The following METAP2 variants were observed in gnomAD, a reference collection of about 807,000 sequenced individuals.
METAP2 encodes methionyl aminopeptidase 2, also known as methionine aminopeptidase 2.
In METAP2, 25 loss-of-function variants were observed where a neutral mutation model predicts 59.4. That is an observed-to-expected ratio of 0.42 (90% CI 0.31 to 0.59). The LOEUF is 0.59. Among genes scored for constraint, METAP2 ranks in the 20% least tolerant of loss-of-function variants. The pLI is 0.16. For synonymous variants in METAP2, 214 were observed against 194.1 expected (o/e 1.10, Z -0.85); for missense variants, 366 against 581.2 (o/e 0.63, Z 3.81).
At chr12:95,504,229 G>T in intron 8 of METAP2, 68 bp downstream of exon 8, 1 of 1,014,358 alleles carries the variant, frequency 9.9e-7, no homozygotes, top group East Asian at 2.5e-5. Context: ...TGTTTTCTTT[G>T]GGTCAGCTGC....
chr12:95,496,464 C>T (rs2076276089), intron 7 of METAP2, among the ~76,000 whole-genome samples: 1 of 152,088 alleles, frequency 6.6e-6, no homozygotes, highest in Non-Finnish European at 1.5e-5. Flanking sequence ...CCACCCCTCC[C>T]CAATTTCCTC....
At chr12:95,487,666 T>C (rs528512648) in intron 4 of METAP2, among the ~76,000 whole-genome samples, 1 of 151,794 alleles carries the variant, frequency 6.6e-6, no homozygotes, top group Admixed American at 6.6e-5. Context: ...GCAGGTAGCC[T>C]TCCATATTTT....
At chr12:95,491,804 G>C (rs1375744665) in intron 4 of METAP2, among the ~76,000 whole-genome samples, 1 of 150,476 alleles carries the variant, frequency 6.6e-6, no homozygotes, top group Non-Finnish European at 1.5e-5. Flanking sequence ...GAGCGACCAT[G>C]CCTGGTCATT....
At chr12:95,513,108 C>CACAT (rs1197052018) in intron 10 of METAP2, among the ~76,000 whole-genome samples, 192 bp downstream of exon 10, 1 of 151,476 alleles carries the variant, frequency 6.6e-6, no homozygotes, top group Non-Finnish European at 1.5e-5. Flanking sequence ...CACACACACA[C>CACAT]ACACACACAC....
At chr12:95,484,506 A>G (rs1005513394) in intron 3 of METAP2, among the ~76,000 whole-genome samples, 1 of 151,844 alleles carries the variant, frequency 6.6e-6, no homozygotes, top group Non-Finnish European at 1.5e-5. Flanking sequence ...AAAAAAAAAA[A>G]GATAACTATT....
chr12:95,483,475 CAAAAAAAAAAA>C lies in METAP2; in HGVS notation c.325+208_325+218del, dbSNP rs141083015. The stretch of plus-strand genomic sequence containing the variant: ...TGGGCAACAGAGTGAGACTCTGTCT[CAAAAAAAAAAA>C]AAAAAAAAAAAAGAAGTGGTTATTC... On this transcript the variant is annotated intron_variant, in intron 3 of 10. Transcript: ENST00000323666. The C allele has an allele frequency of 8.5e-5, 5 of 58,872 alleles. 1 individual carries two copies. The highest frequency in any genetic ancestry group is 1.1e-3 in the South Asian group (2 of 1,892). The allele number at this position is 58,872 out of a possible 1,614,324, so 3.6% of individuals were successfully genotyped here.
chr12:95,478,278 C>A (rs1052397227), intron 2 of METAP2, among the ~76,000 whole-genome samples: 1 of 152,194 alleles, frequency 6.6e-6, no homozygotes, highest in African/African-American at 2.4e-5. Context: ...GTCAATACTA[C>A]TTACCTGTTG....
In METAP2 at chr12:95,513,805, A is replaced by G. The variant is rs1475720659; in HGVS notation, c.1338A>G (p.Pro446=). ...CDLGIVDPYP[P]LCDIKGSYTA... is the part of the protein sequence containing the mutation. ...TGGGCATTGTAGATCCATATCCACC[A>G]TTATGTGACATTAAAGGATCATATA... The change falls in exon 11 of 11, where the codon CCA becomes CCG. Residue 446 remains proline (P), a synonymous_variant. Transcript: ENST00000323666. 15 of 1,614,234 alleles carry G rather than the reference A, an allele frequency of 9.3e-6. No homozygotes were observed. The highest frequency in any genetic ancestry group is 1.3e-5 in the Non-Finnish European group (15 of 1,180,046).
At chr12:95,513,145 C>T (rs1247462480) in intron 10 of METAP2, among the ~76,000 whole-genome samples, 1 of 141,106 alleles carries the variant, frequency 7.1e-6, no homozygotes, top group Non-Finnish European at 1.5e-5. Flanking sequence ...GTGCTCTCTT[C>T]AAGTCCGGTT....
At chr12:95,495,226 C>G in intron 6 of METAP2, 88 bp downstream of exon 6, 1 of 1,158,304 alleles carries the variant, frequency 8.6e-7, no homozygotes, top group Non-Finnish European at 1.2e-6. Context: ...ATACTGAACT[C>G]CCAAATTTTG....
chr12:95,513,393 A>AACAC (rs144087570), intron 10 of METAP2, among the ~76,000 whole-genome samples: 2 of 151,864 alleles, frequency 1.3e-5, no homozygotes, highest in African/African-American at 4.8e-5. Flanking sequence ...TGGGGAATAT[A>AACAC]ACACACACAC....
chr12:95,485,071 A>T (rs1439423474), intron 3 of METAP2, among the ~76,000 whole-genome samples: 1 of 152,220 alleles, frequency 6.6e-6, no homozygotes, highest in Non-Finnish European at 1.5e-5. Flanking sequence ...TGATAACCAT[A>T]GTACAGATTA....
chr12:95,482,216 C>T (rs1402198938), intron 2 of METAP2: 1 of 446,198 alleles, frequency 2.2e-6, no homozygotes, highest in Non-Finnish European at 4.5e-6. Flanking sequence ...CTCAGGTGAT[C>T]CTCCCACATC....
Position 95,474,314 on chromosome 12 carries a change from C to G in METAP2, c.135C>G (p.Ser45Arg). Residue 45 changes from serine to arginine, a missense_variant, in exon 1 of 11, where the codon AGC becomes AGG. Around this residue, in one of 4 missense-constraint regions of METAP2, gnomAD observed 177 missense variants for 180.3 expected, o/e 0.98. Coordinates refer to ENST00000323666, the MANE Select transcript of METAP2 (RefSeq NM_006838.4). ...AKKKRRKKKK[S>R]KGPSAAGEQE... ...AAAAAAGACGAAAGAAGAAGAAGAG[C>G]AAAGGGCCTTCTGCAGGTAAAGAGA... 6.2e-7 allele frequency: 1 copy of G among 1,614,082 alleles called. No individual in the cohort carries two copies. The highest frequency in any genetic ancestry group is 8.5e-7 in the Non-Finnish European group (1 of 1,180,000).
intron 1 of METAP2, among the ~76,000 whole-genome samples, chr12:95,474,680 T>G (rs942896103): frequency 1.1e-4 from 17 of 152,190 alleles, no homozygotes; most frequent in African/African-American, 4.1e-4. Flanking sequence ...TTCGCGCGAT[T>G]TGGCCGCCGC....
chr12:95,488,932 C>G (rs995450579), intron 4 of METAP2, among the ~76,000 whole-genome samples: 1 of 152,038 alleles, frequency 6.6e-6, no homozygotes. Flanking sequence ...ATCAGAATTG[C>G]ATTTATATTT....
At position 95,474,153 on chromosome 12, in the gene METAP2, T is replaced by A. The variant is rs752489709; in HGVS notation, c.-27T>A. ...GGATCGGGGCCCTCGCCGCTCTGTC[T>A]CATTCCCTCGCGCTCTCTCGGGCAA... On this transcript the variant is annotated 5_prime_UTR_variant, in exon 1 of 11. Transcript: ENST00000323666. The A allele has an allele frequency of 6.2e-7, 1 of 1,611,898 alleles. No individual in the cohort carries two copies. The highest frequency in any genetic ancestry group is 1.1e-5 in the South Asian group (1 of 90,908).
intron 8 of METAP2, among the ~76,000 whole-genome samples, chr12:95,511,400 T>G (rs7959270): frequency 6.5e-5 from 9 of 138,798 alleles, no homozygotes; most frequent in African/African-American, 2.5e-4. Context: ...TTTTTTTTTT[T>G]TTTTTTTTTT....
rs547397584 is a variant in METAP2 at position 95,501,685 on chromosome 12, A to G, written c.868-2380A>G. 1.8e-4 allele frequency among the ~76,000 whole-genome samples: 28 copies of G among 152,166 alleles called. No individual in the cohort carries two copies. The East Asian group carries it at 5.2e-3, about 28-fold the overall frequency. Reference sequence around the variant, plus strand: ...AGCTGAGATTGCGCCACTGCACTCCAGCCTGGCGACAGAGCAAAACTCCGT... The same window carrying G: ...AGCTGAGATTGCGCCACTGCACTCCGGCCTGGCGACAGAGCAAAACTCCGT... On this transcript the variant is annotated intron_variant, in intron 7 of 10. Transcript: ENST00000323666.
Sources: gnomAD v4.1 joint callset for allele counts (sites outside exome capture counted in the v4.1 genomes callset) on GRCh38, gnomAD v4.1.1 for gene constraint, gnomAD v4.1.1 regional missense constraint, MANE v1.5 for transcripts, NCBI Gene and HGNC (gene_info 2026-07-23, HGNC 2026-07-21) for gene names.